The following COL6A6 variants were observed in gnomAD, a reference collection of about 807,000 sequenced individuals.
COL6A6 encodes collagen type VI alpha 6 chain.
Under a neutral mutation model 208.6 loss-of-function variants are expected in COL6A6, and 183 were observed. The observed-to-expected ratio is 0.88, with a 90% CI of 0.78 to 0.99. The LOEUF (loss-of-function observed/expected upper bound fraction) is 0.99, where lower values mean the gene tolerates loss of function less well. COL6A6 is among the 50% of genes least tolerant of loss of function. The pLI is 0.00. For missense variants in COL6A6, 2,816 were observed against 2,815.2 expected (o/e 1.00, Z -0.01); for synonymous variants, 973 against 1,011.8 (o/e 0.96, Z 0.73).
intron 28 of COL6A6, among the ~76,000 whole-genome samples, chr3:130,641,016 C>T (rs935755634): frequency 6.6e-6 from 1 of 152,092 alleles, no homozygotes; most frequent in African/African-American, 2.4e-5. Flanking sequence ...AATAGCATCA[C>T]CTAATAGTGA....
chr3:130,616,552 G>GAAAAA (rs35307177), intron 23 of COL6A6, among the ~76,000 whole-genome samples: 1 of 120,798 alleles, frequency 8.3e-6, no homozygotes. Flanking sequence ...ATCAATGCCT[G>GAAAAA]AAAAAAAAAA....
Position 130,610,693 on chromosome 3 carries a change from G to T in COL6A6, c.4797G>T (p.Val1599=). 6.3e-7 allele frequency: 1 copy of T among 1,589,406 alleles called. No homozygotes were observed. The highest frequency in any genetic ancestry group is 8.6e-7 in the Non-Finnish European group (1 of 1,167,030). Residue 1599 remains valine, a synonymous_variant, in exon 23 of 37, where the codon GTG becomes GTT. Transcript: ENST00000358511. ...EAGVKGEKGG[V]GSKGPQGPPG... is the part of the protein sequence containing the mutation. ...GTGTGAAAGGAGAAAAAGGAGGTGT[G>T]GGAAGTAAAGGTCCCCAGGTATGTA...
chr3:130,662,346 A>C, intron 35 of COL6A6, 38 bp downstream of exon 35: 1 of 1,567,870 alleles, frequency 6.4e-7, no homozygotes, highest in Non-Finnish European at 8.7e-7. Context: ...CACTTTAAGA[A>C]TATACTTGGT....
intron 34 of COL6A6, among the ~76,000 whole-genome samples, chr3:130,661,139 A>G (rs2065920192): frequency 6.6e-6 from 1 of 152,228 alleles, no homozygotes; most frequent in Admixed American, 6.5e-5. Flanking sequence ...CTTTGTCCTT[A>G]AGGATCACTC....
At chr3:130,617,552 A>G (rs2064569788) in intron 23 of COL6A6, among the ~76,000 whole-genome samples, 1 of 152,078 alleles carries the variant, frequency 6.6e-6, no homozygotes, top group Non-Finnish European at 1.5e-5. Flanking sequence ...AAGTATTAGA[A>G]GTTAAGGTTA....
At chr3:130,636,178 G>A (rs1030284047) in intron 28 of COL6A6, among the ~76,000 whole-genome samples, 1 of 152,194 alleles carries the variant, frequency 6.6e-6, no homozygotes. Context: ...TGAGATACAT[G>A]CAGAAAGGTC....
chr3:130,561,104 A>G (rs1407700477), intron 2 of COL6A6, among the ~76,000 whole-genome samples: 1 of 152,228 alleles, frequency 6.6e-6, no homozygotes, highest in East Asian at 1.9e-4. Flanking sequence ...TCTCAAGTAG[A>G]AGCCATGATT....
chr3:130,650,621 AG>A (rs1356131016), intron 33 of COL6A6, among the ~76,000 whole-genome samples: 4 of 150,744 alleles, frequency 2.7e-5, no homozygotes, highest in African/African-American at 9.9e-5. Context: ...AAAAAAAAAA[AG>A]AAAAAAGAAA....
rs755659881 is a variant in COL6A6, at chr3:130,610,671, T to C, written c.4775T>C (p.Val1592Ala). The C allele has an allele frequency of 6.3e-7, 1 of 1,591,868 alleles. No individual in the cohort carries two copies. The highest frequency in any genetic ancestry group is 1.3e-5 in the African/African-American group (1 of 74,618). Reference protein sequence around the residue: ...GPQGPRGEAGVKGEKGGVGSK... With the variant: ...GPQGPRGEAGAKGEKGGVGSK... The stretch of plus-strand genomic sequence containing the variant: ...TAGGGCCCAAGAGGAGAGGCTGGTG[T>C]GAAAGGAGAAAAAGGAGGTGTGGGA... The change falls in exon 23 of 37, where the codon GTG (valine) becomes GCG (alanine). Residue 1592 changes from valine to alanine, a missense_variant. Physicochemically the swap from Val to Ala is moderately conservative, Grantham distance 64 (BLOSUM62 0). Transcript: ENST00000358511.
Position 130,548,088 on chromosome 3 carries a change from C to T in COL6A6, c.-31-12246C>T, listed in dbSNP as rs780878402. Among the ~76,000 whole-genome samples, 22 of 152,358 alleles carry T rather than the reference C, an allele frequency of 1.4e-4. 1 individual carries two copies. The highest frequency in any genetic ancestry group is 1.4e-3 in the East Asian group (7 of 5,184). ...GATTACAGGCATGAGCCACTGTGCC[C>T]GGCCAATCCTAGTTGTTTTAAATCC... On this transcript the variant is annotated intron_variant, in intron 1 of 36. Coordinates refer to ENST00000358511, the MANE Select transcript of COL6A6 (RefSeq NM_001102608.3).
At chr3:130,666,543 A>G (rs1213021945) in intron 36 of COL6A6, among the ~76,000 whole-genome samples, 1 of 152,358 alleles carries the variant, frequency 6.6e-6, no homozygotes, top group East Asian at 1.9e-4. Context: ...GGTGAAAGAT[A>G]TACAGGTTAT....
At chr3:130,653,757 A>G (rs2065709980) in intron 33 of COL6A6, among the ~76,000 whole-genome samples, 1 of 152,202 alleles carries the variant, frequency 6.6e-6, no homozygotes, top group African/African-American at 2.4e-5. Flanking sequence ...AGGATGAATG[A>G]ACTCTAAAAC....
At chr3:130,650,338 C>A (rs1023309944) in intron 33 of COL6A6, among the ~76,000 whole-genome samples, 9 of 152,114 alleles carry the variant, frequency 5.9e-5, no homozygotes, top group African/African-American at 1.2e-4. Flanking sequence ...ATTAAAAGTC[C>A]AGGGCCGGGA....
At chr3:130,619,614 G>A (rs1330313895) in intron 23 of COL6A6, among the ~76,000 whole-genome samples, 1 of 152,196 alleles carries the variant, frequency 6.6e-6, no homozygotes, top group Non-Finnish European at 1.5e-5. Flanking sequence ...GTGGAGAATG[G>A]ATTAGAGGAA....
chr3:130,646,768 C>T (rs2065472089), intron 32 of COL6A6, among the ~76,000 whole-genome samples: 1 of 152,090 alleles, frequency 6.6e-6, no homozygotes, highest in Non-Finnish European at 1.5e-5. Context: ...CTGAGCTTTG[C>T]ACATTATAAG....
chr3:130,570,337 A>G (rs971260077), intron 6 of COL6A6, among the ~76,000 whole-genome samples: 2 of 152,258 alleles, frequency 1.3e-5, no homozygotes, highest in African/African-American at 4.8e-5. Context: ...TCAGAGAATC[A>G]TGAAAAATAT....
At chr3:130,612,800 C>G (rs1400390579) in intron 23 of COL6A6, among the ~76,000 whole-genome samples, 3 of 152,114 alleles carry the variant, frequency 2.0e-5, no homozygotes, top group African/African-American at 7.2e-5. Context: ...AGCATATTTT[C>G]TTATGCCTGC....
At chr3:130,571,529 A>G (rs910249540) in intron 7 of COL6A6, 136 bp downstream of exon 7, 3 of 616,602 alleles carry the variant, frequency 4.9e-6, no homozygotes, top group East Asian at 2.9e-5. Context: ...GACTTTCTAT[A>G]TTATAAAATC....
chr3:130,549,575 C>T (rs977532872), intron 1 of COL6A6, among the ~76,000 whole-genome samples: 2 of 151,536 alleles, frequency 1.3e-5, no homozygotes, highest in Non-Finnish European at 2.9e-5. Context: ...TTTTGTATAT[C>T]GTGTAAGGAA....
Sources: gnomAD v4.1 joint callset for allele counts (sites outside exome capture counted in the v4.1 genomes callset) on GRCh38, gnomAD v4.1.1 for gene constraint, MANE v1.5 for transcripts, NCBI Gene and HGNC (gene_info 2026-07-23, HGNC 2026-07-21) for gene names.